Variants in NRG1 observed in about 807,000 individuals in gnomAD.
NRG1 encodes pro-neuregulin-1, membrane-bound isoform.
NRG1 carries 18 observed loss-of-function variants against 63.8 expected under a neutral mutation model. The observed-to-expected ratio is 0.28, with a 90% CI of 0.19 to 0.42. The LOEUF (loss-of-function observed/expected upper bound fraction) is 0.42, where lower values mean the gene tolerates loss of function less well. Among genes scored for constraint, NRG1 ranks in the 10% least tolerant of loss-of-function variants. NRG1 has a pLI of 1.00. For synonymous variants in NRG1, 302 were observed against 301.3 expected, an observed-to-expected ratio of 1.00 and a Z score of -0.02; for missense variants, 762 against 814.7, an observed-to-expected ratio of 0.94 and a Z score of 0.79.
At chr8:32,030,427 T>G (rs1039861235) in intron 1 of NRG1, 1 of 152,232 alleles carries the variant, frequency 6.6e-6, no homozygotes, top group African/African-American at 2.4e-5. Context: ...ACACTGATGC[T>G]AAAGTCACCC....
At chr8:32,418,219 C>G (rs1293465060) in intron 1 of NRG1, among the ~76,000 whole-genome samples, 1 of 151,938 alleles carries the variant, frequency 6.6e-6, no homozygotes, top group Non-Finnish European at 1.5e-5. Context: ...TGGTATTCTT[C>G]TAGTCTAGTG....
downstream of NRG1, among the ~76,000 whole-genome samples, chr8:32,772,041 G>GTATATATATA (rs1157977487): frequency 1.7e-3 from 18 of 10,524 alleles, no homozygotes; most frequent in Non-Finnish European, 4.0e-3. Flanking sequence ...AAAAAAATAT[G>GTATATATATA]TATATATATA....
intron 5 of NRG1, among the ~76,000 whole-genome samples, chr8:32,697,864 G>A (rs1335428712): frequency 6.6e-6 from 1 of 152,088 alleles, no homozygotes; most frequent in Non-Finnish European, 1.5e-5. Flanking sequence ...AAATTTCAGT[G>A]CCATCACTGA....
intron 1 of NRG1, among the ~76,000 whole-genome samples, chr8:32,099,236 G>A (rs1164344041): frequency 1.3e-5 from 2 of 152,160 alleles, no homozygotes; most frequent in African/African-American, 4.8e-5. Context: ...GTTTTCTATT[G>A]TCTGAGGGTC....
chr8:32,245,936 C>A (rs565202289), intron 1 of NRG1, among the ~76,000 whole-genome samples: 4 of 152,196 alleles, frequency 2.6e-5, no homozygotes, highest in African/African-American at 9.6e-5. Flanking sequence ...GTTTTCTGAG[C>A]CTGCGAGGAA....
chr8:32,336,232 C>T (rs948048829), intron 1 of NRG1, among the ~76,000 whole-genome samples: 4 of 152,200 alleles, frequency 2.6e-5, no homozygotes, highest in African/African-American at 9.6e-5. Context: ...ATTTGTCCAT[C>T]ATCCACTCCC....
intron 1 of NRG1, among the ~76,000 whole-genome samples, chr8:32,533,556 C>A (rs1057190170): frequency 6.6e-6 from 1 of 152,002 alleles, no homozygotes; most frequent in Non-Finnish European, 1.5e-5. Flanking sequence ...CTCTTTTGAA[C>A]AAATTTTATT....
intron 1 of NRG1, among the ~76,000 whole-genome samples, chr8:32,467,584 C>T (rs1344161441): frequency 6.6e-6 from 1 of 152,180 alleles, no homozygotes; most frequent in African/African-American, 2.4e-5. Flanking sequence ...ATTCAAAAAG[C>T]ATTCACTGAG....
At chr8:32,638,281 TTG>T (rs1851704793) in intron 5 of NRG1, among the ~76,000 whole-genome samples, 3 of 152,222 alleles carry the variant, frequency 2.0e-5, no homozygotes, top group African/African-American at 7.2e-5. Context: ...AACCTGCACG[TTG>T]TGCACATGTA....
At chr8:31,714,025 G>A (rs1359819787) in intron 1 of NRG1, among the ~76,000 whole-genome samples, 2 of 506 alleles carry the variant, frequency 4.0e-3, no homozygotes, top group African/African-American at 4.0e-3. Flanking sequence ...TGATCCACCC[G>A]CCTCGGCCTC....
chr8:32,426,276 C>T (rs1437880599), intron 1 of NRG1, among the ~76,000 whole-genome samples: 1 of 152,094 alleles, frequency 6.6e-6, no homozygotes, highest in Non-Finnish European at 1.5e-5. Context: ...TTGCTGTGAA[C>T]TACAGAACTG....
intron 1 of NRG1, among the ~76,000 whole-genome samples, chr8:31,713,102 CCTT>C (rs1811969794): frequency 6.7e-6 from 1 of 149,802 alleles, no homozygotes; most frequent in African/African-American, 2.4e-5. Context: ...CTGCCATACT[CCTT>C]CTAATTTTTT....
chr8:32,588,916 T>C (rs1842072421), intron 1 of NRG1, among the ~76,000 whole-genome samples: 1 of 152,182 alleles, frequency 6.6e-6, no homozygotes, highest in Non-Finnish European at 1.5e-5. Flanking sequence ...GAACCCTATT[T>C]AACTTGAATC....
intron 5 of NRG1, chr8:32,646,845 C>T: frequency 1.0e-6 from 1 of 984,316 alleles, no homozygotes. Flanking sequence ...TGATTTTACT[C>T]AGACCAGCCT....
intron 6 of NRG1, among the ~76,000 whole-genome samples, chr8:32,740,586 A>G (rs1172541492): frequency 6.6e-6 from 1 of 152,158 alleles, no homozygotes. Flanking sequence ...TAATCCGTTT[A>G]CTTATATGAA....
chr8:31,810,752 G>T (rs942047102), intron 1 of NRG1, among the ~76,000 whole-genome samples: 5 of 152,160 alleles, frequency 3.3e-5, no homozygotes, highest in Admixed American at 1.3e-4. Context: ...GTTTGTTTGT[G>T]TTTGTTGTTG....
chr8:31,739,653 G>A (rs193150006), intron 1 of NRG1, among the ~76,000 whole-genome samples: 12 of 152,140 alleles, frequency 7.9e-5, no homozygotes, highest in Admixed American at 5.2e-4. Flanking sequence ...CAAGAAAATG[G>A]AGCAATGACA....
rs1481750 is a variant in NRG1, at chr8:32,204,179, G to T, written c.38-391649G>T. Reference sequence around the variant, plus strand: ...AGCTGACTCAGTGAGATGGGAATGAGGTCAGAAAGATGAGGAAAGGGCAGT... The same window carrying T: ...AGCTGACTCAGTGAGATGGGAATGATGTCAGAAAGATGAGGAAAGGGCAGT... On this transcript the variant is annotated intron_variant, in intron 1 of 10. Transcript: ENST00000519301. Among the ~76,000 whole-genome samples the T allele has an allele frequency of 8.0e-3, 1,221 of 152,130 alleles. 16 individuals are homozygous for T. Among genetic ancestry groups the T allele is most frequent in the African/African-American group, 0.028 (1,174 of 41,532 alleles).
At chr8:32,205,396 G>T (rs1843939892) in intron 1 of NRG1, among the ~76,000 whole-genome samples, 1 of 152,216 alleles carries the variant, frequency 6.6e-6, no homozygotes, top group East Asian at 1.9e-4. Context: ...ACTATATCTT[G>T]CTGAGACATT....
Sources: gnomAD v4.1 joint callset for allele counts (sites outside exome capture counted in the v4.1 genomes callset) on GRCh38, gnomAD v4.1.1 for gene constraint, MANE v1.5 for transcripts, NCBI Gene and HGNC (gene_info 2026-07-23, HGNC 2026-07-21) for gene names.